Variants in CNTN4 observed in about 807,000 individuals in gnomAD.
CNTN4 encodes the protein contactin 4.
A neutral mutation model predicts 122.5 loss-of-function variants in CNTN4; 77 were observed. The ratio of observed to expected loss-of-function variants is 0.63; its 90% CI spans 0.52 to 0.76. The LOEUF is 0.76. CNTN4 is among the 30% of genes least tolerant of loss of function. CNTN4 has a pLI of 0.00. For synonymous variants in CNTN4, 512 were observed against 447.0 expected, an observed-to-expected ratio of 1.15 and a Z score of -1.83; for missense variants, 1,256 against 1,259.1, an observed-to-expected ratio of 1.00 and a Z score of 0.04.
chr3:2,162,500 G>A (rs1488324613), intron 2 of CNTN4, among the ~76,000 whole-genome samples: 2 of 152,136 alleles, frequency 1.3e-5, no homozygotes, highest in Admixed American at 6.5e-5. Flanking sequence ...TCCCACAACT[G>A]GAAAACCCAT....
At chr3:2,639,392 C>T (rs2082805750) in intron 4 of CNTN4, among the ~76,000 whole-genome samples, 1 of 152,160 alleles carries the variant, frequency 6.6e-6, no homozygotes, top group Non-Finnish European at 1.5e-5. Context: ...TGCCCAACTC[C>T]ATCTCTTCCT....
chr3:2,155,531 T>C (rs1474014180), intron 2 of CNTN4, among the ~76,000 whole-genome samples: 1 of 152,218 alleles, frequency 6.6e-6, no homozygotes. Context: ...TTTGCCTGAC[T>C]TGACTGAAAA....
At chr3:3,016,175 A>G (rs1341245055) in intron 14 of CNTN4, among the ~76,000 whole-genome samples, 1 of 152,202 alleles carries the variant, frequency 6.6e-6, no homozygotes, top group African/African-American at 2.4e-5. Flanking sequence ...GATTTTAATT[A>G]TACCTTGACT....
intron 6 of CNTN4, among the ~76,000 whole-genome samples, chr3:2,757,551 C>G (rs1177626585): frequency 6.6e-6 from 1 of 152,152 alleles, no homozygotes; most frequent in Non-Finnish European, 1.5e-5. Context: ...GATGTTATGA[C>G]ATTTCTAGCC....
intron 6 of CNTN4, among the ~76,000 whole-genome samples, chr3:2,802,643 G>C (rs937289444): frequency 6.6e-6 from 1 of 152,132 alleles, no homozygotes; most frequent in Non-Finnish European, 1.5e-5. Context: ...GATGAAAATG[G>C]TGTGACCAGA....
chr3:2,317,254 A>G (rs977332508), intron 2 of CNTN4, among the ~76,000 whole-genome samples: 2 of 152,242 alleles, frequency 1.3e-5, no homozygotes, highest in African/African-American at 2.4e-5. Flanking sequence ...TCTGAATTCA[A>G]TTAACAGTGG....
intron 4 of CNTN4, among the ~76,000 whole-genome samples, chr3:2,587,975 A>G (rs2080279555): frequency 6.6e-6 from 1 of 152,116 alleles, no homozygotes; most frequent in African/African-American, 2.4e-5. Flanking sequence ...AGCACAAGTG[A>G]GCTTTCTAGG....
intron 7 of CNTN4, among the ~76,000 whole-genome samples, chr3:2,842,108 T>G (rs989935241): frequency 2.0e-5 from 3 of 152,156 alleles, no homozygotes; most frequent in African/African-American, 7.2e-5. Context: ...TTCTTCAACA[T>G]AAGGGCAACG....
chr3:2,931,124 G>C (rs995022453), intron 13 of CNTN4, among the ~76,000 whole-genome samples: 1 of 152,138 alleles, frequency 6.6e-6, no homozygotes, highest in Non-Finnish European at 1.5e-5. Flanking sequence ...TCAGGGTAGG[G>C]CAAGGTTGAG....
chr3:2,283,747 C>T (rs144885022), intron 2 of CNTN4, among the ~76,000 whole-genome samples: 1 of 152,218 alleles, frequency 6.6e-6, no homozygotes, highest in South Asian at 2.1e-4. Flanking sequence ...AGCACCATCA[C>T]CCATTCCCTA....
chr3:2,863,224 G>A (rs7631834), intron 7 of CNTN4, among the ~76,000 whole-genome samples: 33,098 of 151,888 alleles, frequency 0.22, 3,857 homozygotes, highest in South Asian at 0.32. Flanking sequence ...ATATTTGATC[G>A]TGAAAAAAAC....
intron 2 of CNTN4, among the ~76,000 whole-genome samples, chr3:2,136,393 CACTGAAT>C (rs2034693945): frequency 6.6e-6 from 1 of 152,088 alleles, no homozygotes; most frequent in Non-Finnish European, 1.5e-5. Context: ...CTAAAAGATA[CACTGAAT>C]TATTAGGAGA....
intron 3 of CNTN4, among the ~76,000 whole-genome samples, chr3:2,420,898 C>A (rs1165635779): frequency 2.0e-5 from 3 of 152,142 alleles, no homozygotes; most frequent in African/African-American, 7.2e-5. Context: ...CAAGAGATGG[C>A]CGTATTTTGT....
intron 2 of CNTN4, among the ~76,000 whole-genome samples, chr3:2,323,978 A>T (rs150785066): frequency 9.2e-5 from 14 of 152,306 alleles, no homozygotes; most frequent in Non-Finnish European, 1.9e-4. Flanking sequence ...GGGCTTCTCA[A>T]CTTCAACACT....
chr3:2,207,096 A>C (rs971473860), intron 2 of CNTN4, among the ~76,000 whole-genome samples: 7 of 152,076 alleles, frequency 4.6e-5, no homozygotes, highest in African/African-American at 1.7e-4. Context: ...GGGGGGTGTC[A>C]TGAACCAAAC....
At chr3:2,697,140 C>A (rs2086083139) in intron 4 of CNTN4, among the ~76,000 whole-genome samples, 1 of 152,142 alleles carries the variant, frequency 6.6e-6, no homozygotes, top group Admixed American at 6.5e-5. Context: ...ATGGGAAATA[C>A]AACAAGCTAT....
chr3:2,820,101 G>A (rs1005224735), intron 7 of CNTN4, among the ~76,000 whole-genome samples: 2 of 152,134 alleles, frequency 1.3e-5, no homozygotes, highest in African/African-American at 2.4e-5. Context: ...ACTCTGGGAT[G>A]GTTAGTGTCA....
chr3:2,399,185 T>C (rs1247603383), intron 3 of CNTN4, among the ~76,000 whole-genome samples: 1 of 152,110 alleles, frequency 6.6e-6, no homozygotes, highest in African/African-American at 2.4e-5. Flanking sequence ...TCAGTTTCTC[T>C]GGGGTCCCTT....
intron 2 of CNTN4, among the ~76,000 whole-genome samples, chr3:2,238,161 TG>T (rs1406664453): frequency 6.6e-6 from 1 of 152,154 alleles, no homozygotes; most frequent in African/African-American, 2.4e-5. Flanking sequence ...TAACGTATTT[TG>T]GGATATGTAC....
Sources: allele counts gnomAD v4.1 joint callset (sites outside exome capture counted in the v4.1 genomes callset), GRCh38; gene constraint gnomAD v4.1.1; transcripts MANE v1.5; gene names NCBI Gene and HGNC (gene_info 2026-07-23, HGNC 2026-07-21).